Variants in RASEF observed in about 807,000 individuals in gnomAD.
RASEF encodes the protein RAS and EF-hand domain containing.
RASEF carries 68 observed loss-of-function variants against 90.1 expected under a neutral mutation model. That is an observed-to-expected ratio of 0.75 (90% CI 0.62 to 0.92). The LOEUF (loss-of-function observed/expected upper bound fraction) is 0.92, where lower values mean the gene tolerates loss of function less well. Ranked by LOEUF, RASEF falls within the 40% of genes least tolerant of loss-of-function variation. The pLI is 0.00. For missense variants in RASEF, 949 were observed against 937.2 expected (o/e 1.01, Z -0.16); for synonymous variants, 331 against 345.2 (o/e 0.96, Z 0.46).
At chr9:83,214,965 TCCTGTACC>T in the RASEF span, among the ~76,000 whole-genome samples, 1 of 151,596 alleles carries the variant, frequency 6.6e-6, no homozygotes, top group African/African-American at 2.4e-5. Flanking sequence ...ATGCTCCCTA[TCCTGTACC>T]CATATAAACC....
Position 83,062,344 on chromosome 9 carries a change from G to A in RASEF, c.431+93C>T, listed in dbSNP as rs944087846. 1.3e-5 allele frequency: 16 copies of A among 1,205,918 alleles called. 1 individual carries two copies. Among genetic ancestry groups the A allele is most frequent in the East Asian group, 1.0e-4 (4 of 38,882 alleles). The allele number at this position is 1,205,918 out of a possible 1,614,324, so 74.7% of individuals were successfully genotyped here. ...AGCAACTCACAGAGAAGACTAGGGG[G>A]GGGGGCCATTGGGTCTGCACACCTG... On this transcript the variant is annotated intron_variant, in intron 1 of 16. Coordinates refer to ENST00000376447, the MANE Select transcript of RASEF (RefSeq NM_152573.4).
chr9:83,156,397 G>C, the RASEF span, among the ~76,000 whole-genome samples: 1 of 152,230 alleles, frequency 6.6e-6, no homozygotes, highest in Non-Finnish European at 1.5e-5. Context: ...TGGAGTTCCA[G>C]TTCCAGCTTT....
the RASEF span, chr9:83,201,103 TA>T: frequency 6.6e-6 from 1 of 152,120 alleles, no homozygotes; most frequent in South Asian, 2.1e-4. Context: ...CACCCAATGA[TA>T]TAGGTTTGGG....
chr9:83,000,638 G>T, intron 10 of RASEF, 68 bp from the exon 11 acceptor site: 1 of 1,400,184 alleles, frequency 7.1e-7, no homozygotes, highest in Middle Eastern at 1.8e-4. Flanking sequence ...AGTCTAAAAT[G>T]TATACATTAT....
At chr9:83,183,218 AG>A in the RASEF span, among the ~76,000 whole-genome samples, 1 of 151,752 alleles carries the variant, frequency 6.6e-6, no homozygotes. Context: ...AAAACATAAA[AG>A]GAATATAAAC....
the RASEF span, among the ~76,000 whole-genome samples, chr9:83,197,536 T>A: frequency 5.3e-5 from 8 of 149,930 alleles, no homozygotes; most frequent in South Asian, 2.1e-4. Context: ...TTTAAAAAAA[T>A]TTATTTTGAA....
At chr9:82,989,200 A>G (rs2118378701) in intron 16 of RASEF, among the ~76,000 whole-genome samples, 1 of 150,334 alleles carries the variant, frequency 6.7e-6, no homozygotes, top group Non-Finnish European at 1.5e-5. Flanking sequence ...TCATTAATGT[A>G]TATATGTATA....
intron 1 of RASEF, among the ~76,000 whole-genome samples, chr9:83,030,413 A>G (rs1564082830): frequency 6.6e-6 from 1 of 152,160 alleles, no homozygotes; most frequent in Non-Finnish European, 1.5e-5. Flanking sequence ...TATCTGTACA[A>G]CATCAAAATG....
chr9:83,134,827 T>C, the RASEF span, among the ~76,000 whole-genome samples: 1 of 152,178 alleles, frequency 6.6e-6, no homozygotes, highest in African/African-American at 2.4e-5. Context: ...CGTAGCAGTA[T>C]TTTCACAACA....
the RASEF span, among the ~76,000 whole-genome samples, chr9:83,168,722 C>T: frequency 6.6e-6 from 1 of 152,212 alleles, no homozygotes; most frequent in East Asian, 1.9e-4. Context: ...TGCTTAACAT[C>T]ATTAATCATC....
At chr9:83,127,339 A>G in the RASEF span, among the ~76,000 whole-genome samples, 127 of 152,358 alleles carry the variant, frequency 8.3e-4, no homozygotes, top group African/African-American at 3.0e-3. Flanking sequence ...TCTGTAGGAC[A>G]GAAGTAAAAA....
chr9:83,074,637 G>C, the RASEF span, among the ~76,000 whole-genome samples: 1 of 152,204 alleles, frequency 6.6e-6, no homozygotes, highest in Admixed American at 6.5e-5. Flanking sequence ...AAGCTTTACT[G>C]TAACATGGTC....
At chr9:83,049,529 C>CTTTTTTTTTTTTTTTTTT (rs10687615) in intron 1 of RASEF, among the ~76,000 whole-genome samples, 1 of 99,084 alleles carries the variant, frequency 1.0e-5, no homozygotes, top group Non-Finnish European at 1.8e-5. Flanking sequence ...TTCTGCCTTC[C>CTTTTTTTTTTTTTTTTTT]TTTTTTTTTT....
chr9:83,084,487 T>G, the RASEF span, among the ~76,000 whole-genome samples: 6 of 152,250 alleles, frequency 3.9e-5, no homozygotes. Flanking sequence ...AGTAGTTTTC[T>G]GACTCAAAAT....
the RASEF span, among the ~76,000 whole-genome samples, chr9:83,144,388 A>G: frequency 2.4e-3 from 97 of 41,138 alleles, no homozygotes; most frequent in South Asian, 7.1e-3. Flanking sequence ...AGAAAGAAAG[A>G]AAGGAAAGAA....
upstream of RASEF, among the ~76,000 whole-genome samples, chr9:83,063,918 A>C (rs1479224019): frequency 2.0e-5 from 3 of 152,044 alleles, no homozygotes; most frequent in African/African-American, 7.3e-5. Flanking sequence ...TTTCCAGGAG[A>C]CCCTCAGTCT....
chr9:83,013,183 A>G (rs1829279312), intron 4 of RASEF, among the ~76,000 whole-genome samples: 1 of 152,170 alleles, frequency 6.6e-6, no homozygotes, highest in East Asian at 1.9e-4. Flanking sequence ...AATTGGTTCC[A>G]CACATTTATA....
intron 1 of RASEF, among the ~76,000 whole-genome samples, chr9:83,029,367 G>T (rs969086137): frequency 2.7e-5 from 4 of 150,542 alleles, no homozygotes; most frequent in African/African-American, 9.8e-5. Context: ...TGTCCATGTG[G>T]CTGTAAACTC....
chr9:83,112,150 T>G, the RASEF span, among the ~76,000 whole-genome samples: 3 of 152,056 alleles, frequency 2.0e-5, no homozygotes, highest in Non-Finnish European at 4.4e-5. Context: ...TATATAATAA[T>G]GTAATAATGC....
Sources: gnomAD v4.1 joint callset for allele counts (sites outside exome capture counted in the v4.1 genomes callset) on GRCh38, gnomAD v4.1.1 for gene constraint, MANE v1.5 for transcripts, NCBI Gene and HGNC (gene_info 2026-07-23, HGNC 2026-07-21) for gene names.